Variants in WWC2 observed in about 807,000 individuals in gnomAD.
WWC2 encodes the protein WW and C2 domain containing 2, also known as protein WWC2.
WWC2 carries 101 observed loss-of-function variants against 138.5 expected under a neutral mutation model. The ratio of observed to expected loss-of-function variants is 0.73; its 90% CI spans 0.62 to 0.86. The LOEUF (loss-of-function observed/expected upper bound fraction) is 0.86, where lower values mean the gene tolerates loss of function less well. WWC2 is among the 40% of genes least tolerant of loss of function. The pLI, the probability that WWC2 is intolerant of heterozygous loss-of-function variation, is 0.00. For missense variants in WWC2, 1,420 were observed against 1,419.4 expected, an observed-to-expected ratio of 1.00 and a Z score of -0.01; for synonymous variants, 558 against 538.4, an observed-to-expected ratio of 1.04 and a Z score of -0.50.
At chr4:183,204,722 A>G (rs149457387) in intron 2 of WWC2, among the ~76,000 whole-genome samples, 4 of 152,366 alleles carry the variant, frequency 2.6e-5, no homozygotes, top group Non-Finnish European at 4.4e-5. Context: ...AAGATAGGGA[A>G]CATTTCCATC....
chr4:183,124,852 G>A (rs4862150), intron 1 of WWC2, among the ~76,000 whole-genome samples: 26,112 of 152,008 alleles, frequency 0.17, 2,821 homozygotes, highest in East Asian at 0.27. Context: ...TTGTGATTTC[G>A]TTATCTTGTA....
intron 4 of WWC2, among the ~76,000 whole-genome samples, chr4:183,239,081 G>A (rs140977092): frequency 0.019 from 2,930 of 152,300 alleles, 88 homozygotes; most frequent in African/African-American, 0.068. Context: ...TTGGGAGGCC[G>A]AAGCGGGTGG....
chr4:183,252,069 G>A (rs1458715710), intron 8 of WWC2, among the ~76,000 whole-genome samples: 5 of 152,162 alleles, frequency 3.3e-5, no homozygotes, highest in Non-Finnish European at 7.3e-5. Flanking sequence ...TGCATACACC[G>A]TGCCACTCTA....
intron 21 of WWC2, among the ~76,000 whole-genome samples, chr4:183,297,410 C>CT (rs35089821): frequency 0.091 from 12,799 of 140,718 alleles, 734 homozygotes; most frequent in East Asian, 0.18. Context: ...GAGATAAACA[C>CT]TTTTTTTTTT....
intron 16 of WWC2, among the ~76,000 whole-genome samples, chr4:183,279,192 T>C (rs1459843365): frequency 6.6e-6 from 1 of 152,100 alleles, no homozygotes; most frequent in Non-Finnish European, 1.5e-5. Flanking sequence ...TGAAGGGTTG[T>C]TGAATTTTGT....
intron 15 of WWC2, 74 bp from the exon 16 acceptor site, chr4:183,271,006 A>C: frequency 7.8e-7 from 1 of 1,287,698 alleles, no homozygotes; most frequent in Non-Finnish European, 1.0e-6. Context: ...TTATTATATC[A>C]GAACAAATAC....
intron 21 of WWC2, among the ~76,000 whole-genome samples, chr4:183,310,255 ACT>A (rs1039945052): frequency 3.7e-4 from 57 of 152,070 alleles, no homozygotes; most frequent in African/African-American, 1.2e-3. Flanking sequence ...ACAAACGTAC[ACT>A]CTGGTGGAGG....
intron 2 of WWC2, among the ~76,000 whole-genome samples, chr4:183,194,546 A>T (rs896786610): frequency 2.0e-5 from 3 of 152,136 alleles, no homozygotes; most frequent in Non-Finnish European, 4.4e-5. Context: ...ATCTATTCTT[A>T]TATTTAAAAT....
chr4:183,260,975 G>C lies in WWC2; in HGVS notation c.1352G>C (p.Gly451Ala). The C allele has an allele frequency of 6.2e-7, 1 of 1,613,926 alleles. No homozygotes were observed. The highest frequency in any genetic ancestry group is 8.5e-7 in the Non-Finnish European group (1 of 1,179,864). ...SSLGSLASSR[G>A]SLNTSSRGSL... ...CTGGGTTCCCTGGCATCGAGTCGGG[G>C]CTCTCTGAACACCTCCAGCAGAGGG... The change falls in exon 11 of 23, where the codon GGC (glycine) becomes GCC (alanine). Residue 451 changes from glycine (G) to alanine (A), a missense_variant. Transcript: ENST00000403733.
At chr4:183,211,841 T>G (rs1735607021) in intron 4 of WWC2, among the ~76,000 whole-genome samples, 1 of 151,836 alleles carries the variant, frequency 6.6e-6, no homozygotes, top group Admixed American at 6.6e-5. Flanking sequence ...TTTTTTTTTT[T>G]GGCGGAGTCT....
chr4:183,234,814 G>A (rs1468938086), intron 4 of WWC2, among the ~76,000 whole-genome samples: 2 of 152,136 alleles, frequency 1.3e-5, no homozygotes, highest in African/African-American at 2.4e-5. Context: ...CTTCCTAGTA[G>A]AGTCTACATT....
At chr4:183,209,160 C>G (rs1451830304) in intron 4 of WWC2, 135 bp downstream of exon 4, 1 of 610,788 alleles carries the variant, frequency 1.6e-6, no homozygotes, top group Non-Finnish European at 2.9e-6. Context: ...ATGAGTGGTC[C>G]TTCTACCTTG....
chr4:183,131,115 T>C (rs1219165839), intron 1 of WWC2, among the ~76,000 whole-genome samples: 2 of 152,182 alleles, frequency 1.3e-5, no homozygotes, highest in African/African-American at 4.8e-5. Context: ...AAATGCTGTT[T>C]AATGAAGAAA....
At chr4:183,262,973 T>A (rs1358154384) in intron 11 of WWC2, among the ~76,000 whole-genome samples, 1 of 152,170 alleles carries the variant, frequency 6.6e-6, no homozygotes, top group Non-Finnish European at 1.5e-5. Context: ...TTTAATGCAG[T>A]GATAACATGT....
intron 1 of WWC2, among the ~76,000 whole-genome samples, chr4:183,164,275 TATATATATATATATATATATATATAC>T (rs1561443530): frequency 0.05 from 24 of 480 alleles, no homozygotes; most frequent in Non-Finnish European, 0.077. Context: ...CATATATATA[TATATATATATATATATATATATATAC>T]ATATATATAT....
At chr4:183,223,191 A>G (rs762197635) in intron 4 of WWC2, among the ~76,000 whole-genome samples, 3 of 152,216 alleles carry the variant, frequency 2.0e-5, no homozygotes, top group Non-Finnish European at 2.9e-5. Flanking sequence ...AGCCTAAGAC[A>G]ATAGGCTATG....
intron 10 of WWC2, 51 bp downstream of exon 10, chr4:183,259,779 C>T (rs1737268009): frequency 8.3e-7 from 1 of 1,210,398 alleles, no homozygotes; most frequent in Non-Finnish European, 1.2e-6. Flanking sequence ...ATAGCATGTT[C>T]TTGTTCATCT....
chr4:183,268,220 C>T (rs188084466), intron 14 of WWC2, among the ~76,000 whole-genome samples: 31 of 152,244 alleles, frequency 2.0e-4, no homozygotes, highest in Admixed American at 3.9e-4. Context: ...ATAGACTTAG[C>T]GGTATTCTCT....
At chr4:183,272,057 TC>T (rs1737711028) in intron 16 of WWC2, among the ~76,000 whole-genome samples, 1 of 152,136 alleles carries the variant, frequency 6.6e-6, no homozygotes, top group Non-Finnish European at 1.5e-5. Flanking sequence ...ATGTAGTACT[TC>T]AAAAAATTTA....
Sources: allele counts gnomAD v4.1 joint callset (sites outside exome capture counted in the v4.1 genomes callset), GRCh38; gene constraint gnomAD v4.1.1; transcripts MANE v1.5; gene names NCBI Gene and HGNC (gene_info 2026-07-23, HGNC 2026-07-21).